The following SLC4A4 variants were observed in gnomAD, a reference collection of about 807,000 sequenced individuals.
The protein encoded by SLC4A4 is solute carrier family 4 member 4, also known as electrogenic sodium bicarbonate cotransporter 1.
Under a neutral mutation model 111.5 loss-of-function variants are expected in SLC4A4, and 27 were observed. The ratio of observed to expected loss-of-function variants is 0.24; its 90% CI spans 0.18 to 0.33. The LOEUF (loss-of-function observed/expected upper bound fraction) is 0.33, where lower values mean the gene tolerates loss of function less well. Ranked by LOEUF, SLC4A4 falls within the 10% of genes least tolerant of loss-of-function variation. SLC4A4 has a pLI of 1.00. For synonymous variants in SLC4A4, 443 were observed against 463.4 expected (o/e 0.96, Z 0.57); for missense variants, 909 against 1,315.5 (o/e 0.69, Z 4.78).
rs1401144259 is a variant in SLC4A4 at position 71,216,617 on chromosome 4, T to C, written c.-1-19959T>C. ...CTCCTCTTATCCTTTATTTTTGGCT[T>C]CCACCTTGGAACTAATAAGCTTAGA... On this transcript the variant is annotated intron_variant, in intron 1 of 25. Coordinates refer to ENST00000264485, the MANE Select transcript of SLC4A4 (RefSeq NM_001098484.3). Among the ~76,000 whole-genome samples, 2 of 152,204 alleles carry C rather than the reference T, an allele frequency of 1.3e-5. 1 individual carries two copies. Among genetic ancestry groups the C allele is most frequent in the African/African-American group, 4.8e-5 (2 of 41,452 alleles).
At chr4:71,527,144 C>T (rs529197334) in intron 16 of SLC4A4, among the ~76,000 whole-genome samples, 1 of 152,040 alleles carries the variant, frequency 6.6e-6, no homozygotes, top group Non-Finnish European at 1.5e-5. Context: ...AATCTGCTTA[C>T]CACAGTATCT....
chr4:71,196,504 A>G (rs916345880), intron 1 of SLC4A4, among the ~76,000 whole-genome samples: 2 of 152,198 alleles, frequency 1.3e-5, no homozygotes, highest in African/African-American at 4.8e-5. Context: ...TTTTATTGCC[A>G]AAACCTTAGG....
chr4:71,350,217 A>C, intron 5 of SLC4A4, 145 bp downstream of exon 5: 1 of 807,268 alleles, frequency 1.2e-6, no homozygotes, highest in Non-Finnish European at 2.0e-6. Flanking sequence ...CATTAGTATG[A>C]TTTATTGCAA....
chr4:71,290,831 T>A (rs530384811), intron 3 of SLC4A4, among the ~76,000 whole-genome samples: 1 of 152,182 alleles, frequency 6.6e-6, no homozygotes, highest in African/African-American at 2.4e-5. Flanking sequence ...GGAAAAATCT[T>A]TGGGAAAATG....
intron 1 of SLC4A4, among the ~76,000 whole-genome samples, chr4:71,069,852 AG>A: frequency 6.6e-6 from 1 of 152,332 alleles, no homozygotes; most frequent in South Asian, 2.1e-4. Flanking sequence ...TTTTTCTAAA[AG>A]TACAGCATTT....
intron 1 of SLC4A4, among the ~76,000 whole-genome samples, chr4:71,074,187 C>G (rs2148931467): frequency 6.6e-6 from 1 of 152,208 alleles, no homozygotes; most frequent in East Asian, 1.9e-4. Flanking sequence ...CACTCTGTTT[C>G]TCCATAGTGA....
At chr4:71,504,664 G>C (rs990767859) in intron 16 of SLC4A4, among the ~76,000 whole-genome samples, 3 of 34,672 alleles carry the variant, frequency 8.7e-5, no homozygotes, top group East Asian at 4.4e-3. Flanking sequence ...TGTGTTTCAT[G>C]GGGGGGGGGG....
At chr4:71,243,974 A>C (rs1375941779) in intron 2 of SLC4A4, among the ~76,000 whole-genome samples, 1 of 152,178 alleles carries the variant, frequency 6.6e-6, no homozygotes, top group African/African-American at 2.4e-5. Context: ...GAGGTTTTAA[A>C]TTTTAGTAAC....
chr4:71,087,604 G>A (rs889175381), intron 1 of SLC4A4, among the ~76,000 whole-genome samples: 1 of 152,136 alleles, frequency 6.6e-6, no homozygotes, highest in Admixed American at 6.5e-5. Flanking sequence ...GGTATGTTGT[G>A]TCTTTGTTCT....
chr4:71,536,032 G>C (rs894301393), intron 18 of SLC4A4, among the ~76,000 whole-genome samples: 1 of 152,038 alleles, frequency 6.6e-6, no homozygotes, highest in Non-Finnish European at 1.5e-5. Flanking sequence ...CACTCCTGCC[G>C]TGAGTAGATA....
rs150967020 is a variant in SLC4A4, at chr4:71,534,254, G to A, written c.2308G>A (p.Val770Ile). The A allele has an allele frequency of 2.3e-5, 37 of 1,613,576 alleles. No homozygotes were observed. Among genetic ancestry groups the A allele is most frequent in the East Asian group, 1.1e-4 (5 of 44,828 alleles). The change falls in exon 18 of 26, where the codon GTT becomes ATT. Residue 770 changes from valine to isoleucine, a missense_variant. Val to Ile is a conservative substitution (Grantham distance 29). Transcript: ENST00000264485. ...AACAAGTCCAAACCGAGGTTGGTTC[G>A]TTCCACCGTTTGGAGAAAACCCCTG... is the stretch of plus-strand genomic sequence containing the variant. ...KPTSPNRGWF[V>I]PPFGENPWWV...
intron 2 of SLC4A4, among the ~76,000 whole-genome samples, chr4:71,181,512 A>G (rs1253107860): frequency 6.6e-6 from 1 of 152,190 alleles, no homozygotes; most frequent in East Asian, 1.9e-4. Flanking sequence ...ATAAATACAC[A>G]GATAGAGTCC....
chr4:71,286,685 C>G (rs971684886), intron 3 of SLC4A4, among the ~76,000 whole-genome samples: 3 of 152,116 alleles, frequency 2.0e-5, no homozygotes, highest in African/African-American at 7.2e-5. Flanking sequence ...CTCTGTTGAT[C>G]TTTATAACAA....
chr4:71,282,394 T>C (rs1723593840), intron 3 of SLC4A4, among the ~76,000 whole-genome samples: 1 of 151,912 alleles, frequency 6.6e-6, no homozygotes, highest in African/African-American at 2.4e-5. Context: ...CAAGTGATAC[T>C]TCTGCTTCAG....
chr4:71,072,656 A>C (rs1741700493), intron 1 of SLC4A4, among the ~76,000 whole-genome samples: 2 of 152,018 alleles, frequency 1.3e-5, no homozygotes, highest in Non-Finnish European at 2.9e-5. Flanking sequence ...TTACAGTTAT[A>C]GCTTTAAAGA....
chr4:71,371,715 G>A (rs1028024788), intron 6 of SLC4A4, among the ~76,000 whole-genome samples: 62 of 152,060 alleles, frequency 4.1e-4, no homozygotes, highest in Admixed American at 3.1e-3. Flanking sequence ...ATTGTCTTAC[G>A]TTGTTCTCTG....
Position 71,131,184 on chromosome 4 carries a change from T to A in SLC4A4, c.-2+38392T>A, listed in dbSNP as rs183143260. 1.2e-4 allele frequency among the ~76,000 whole-genome samples: 19 copies of A among 152,262 alleles called. No homozygotes were observed. The East Asian group carries it at 3.7e-3, about 29-fold the overall frequency. On this transcript the variant is annotated intron_variant, in intron 2 of 26. Transcript: ENST00000649996. ...ATCTGTCTGTCCATCTCATACTAGT[T>A]TGGCATCTCTGTAGAAAGAAAAATT...
chr4:71,225,577 G>C (rs1718995412), intron 1 of SLC4A4, among the ~76,000 whole-genome samples: 1 of 152,176 alleles, frequency 6.6e-6, no homozygotes, highest in African/African-American at 2.4e-5. Flanking sequence ...CTGGGTGGTG[G>C]TTCAGGATGG....
At chr4:71,567,567 A>C (rs1221339122) in intron 25 of SLC4A4, among the ~76,000 whole-genome samples, 2 of 151,676 alleles carry the variant, frequency 1.3e-5, no homozygotes, top group Non-Finnish European at 1.5e-5. Flanking sequence ...TATTAATTTA[A>C]TCTAGGTATG....
Sources: gnomAD v4.1 joint callset for allele counts (sites outside exome capture counted in the v4.1 genomes callset) on GRCh38, gnomAD v4.1.1 for gene constraint, MANE v1.5 for transcripts, NCBI Gene and HGNC (gene_info 2026-07-23, HGNC 2026-07-21) for gene names.